STK24: variants seen among roughly 807,000 people sequenced by gnomAD.
The protein encoded by STK24 is serine/threonine-protein kinase 24.
Under a neutral mutation model 55.6 loss-of-function variants are expected in STK24, and 21 were observed. That is an observed-to-expected ratio of 0.38 (90% CI 0.27 to 0.54). The LOEUF (loss-of-function observed/expected upper bound fraction) is 0.54. Among genes scored for constraint, STK24 ranks in the 20% least tolerant of loss-of-function variants. The pLI, the probability that STK24 is intolerant of heterozygous loss-of-function variation, is 0.79. For missense variants in STK24, 383 were observed against 538.4 expected (o/e 0.71, Z 2.86); for synonymous variants, 200 against 215.2 (o/e 0.93, Z 0.62).
Position 98,446,711 on chromosome 13 carries a change from A to C in STK24, c.*6462T>G. The C allele has an allele frequency of 1.9e-6, 3 of 1,614,122 alleles. No homozygotes were observed. The highest frequency in any genetic ancestry group is 2.2e-5 in the East Asian group (1 of 44,858). ...CCTGCCTCTGCTCGGCTACTCGCTCACCATCCCCTCTGAGTCCGAGAACAT... is the reference window on the plus strand; with the variant it reads ...CCTGCCTCTGCTCGGCTACTCGCTCCCCATCCCCTCTGAGTCCGAGAACAT... On this transcript the variant is annotated 3_prime_UTR_variant, in exon 11 of 11. Coordinates refer to ENST00000539966, the MANE Select transcript of STK24 (RefSeq NM_001032296.4).
intron 1 of STK24, among the ~76,000 whole-genome samples, chr13:98,549,736 TCTTTC>T (rs1897115740): frequency 6.6e-6 from 1 of 152,156 alleles, no homozygotes; most frequent in South Asian, 2.1e-4. Flanking sequence ...CAACTAAACC[TCTTTC>T]CTTTATAAAT....
intron 1 of STK24, chr13:98,542,840 T>C: frequency 1.4e-5 from 14 of 981,876 alleles, no homozygotes; most frequent in Non-Finnish European, 1.7e-5. Flanking sequence ...TACCAACGCT[T>C]ACCCTGTATG....
At chr13:98,560,154 T>C (rs977296117) in intron 1 of STK24, among the ~76,000 whole-genome samples, 7 of 152,184 alleles carry the variant, frequency 4.6e-5, no homozygotes, top group Admixed American at 1.3e-4. Flanking sequence ...GTGCAGCTAC[T>C]CACAGTCTCA....
At chr13:98,561,024 G>C (rs1356947827) in intron 1 of STK24, among the ~76,000 whole-genome samples, 1 of 152,186 alleles carries the variant, frequency 6.6e-6, no homozygotes, top group African/African-American at 2.4e-5. Flanking sequence ...TGGTTCTGCT[G>C]TCTTGAGTGA....
chr13:98,553,771 G>T, intron 1 of STK24: 1 of 152,386 alleles, frequency 6.6e-6, no homozygotes, highest in Non-Finnish European at 1.5e-5. Flanking sequence ...AGAAAAAGGA[G>T]GAACAGGAGG....
chr13:98,576,678 G>C, intron 1 of STK24, 67 bp downstream of exon 1: 1 of 1,359,392 alleles, frequency 7.4e-7, no homozygotes, highest in Non-Finnish European at 9.8e-7. Context: ...GACGCCGTGT[G>C]GATACCGCCA....
intron 2 of STK24, among the ~76,000 whole-genome samples, chr13:98,487,766 G>A (rs1372776329): frequency 2.0e-5 from 3 of 151,936 alleles, no homozygotes; most frequent in Non-Finnish European, 4.4e-5. Flanking sequence ...TCGCTCTGAC[G>A]GCCCAGGTGT....
chr13:98,520,282 A>G (rs1896213563), intron 1 of STK24, among the ~76,000 whole-genome samples: 1 of 152,212 alleles, frequency 6.6e-6, no homozygotes. Flanking sequence ...AAGGCAAGAC[A>G]GGGACGCTGC....
chr13:98,508,072 G>A (rs1895756640), intron 2 of STK24, among the ~76,000 whole-genome samples: 1 of 152,156 alleles, frequency 6.6e-6, no homozygotes, highest in Non-Finnish European at 1.5e-5. Flanking sequence ...AGCCTGCAAT[G>A]ACGGTCCCAG....
At chr13:98,515,786 G>A (rs1198979838) in intron 2 of STK24, among the ~76,000 whole-genome samples, 2 of 152,080 alleles carry the variant, frequency 1.3e-5, no homozygotes, top group Non-Finnish European at 2.9e-5. Context: ...CAACAATGAA[G>A]AAACCCATTT....
intron 2 of STK24, among the ~76,000 whole-genome samples, chr13:98,494,948 C>A (rs1238571663): frequency 6.6e-6 from 1 of 152,202 alleles, no homozygotes; most frequent in Non-Finnish European, 1.5e-5. Flanking sequence ...ACAGAAGGAA[C>A]CACCACCAAC....
rs1165562856 is a variant in STK24 at position 98,460,513 on chromosome 13, C to T, written c.1054-73G>A. 3 of 1,272,366 alleles carry T rather than the reference C, an allele frequency of 2.4e-6. No individual in the cohort carries two copies. In the African/African-American group the frequency reaches 4.4e-5, roughly 19 times the overall value. The allele number at this position is 1,272,366 out of a possible 1,614,324, so 78.8% of individuals were successfully genotyped here. On this transcript the variant is annotated intron_variant, in intron 8 of 10. Coordinates refer to ENST00000539966, the MANE Select transcript of STK24 (RefSeq NM_001032296.4). The stretch of plus-strand genomic sequence containing the variant: ...ATTGGCAATAATTTAATAAACCTCC[C>T]ACCTGGACTATGGAAGCGCAGGAGT...
At chr13:98,512,212 G>T (rs1895905395) in intron 2 of STK24, among the ~76,000 whole-genome samples, 1 of 152,080 alleles carries the variant, frequency 6.6e-6, no homozygotes, top group African/African-American at 2.4e-5. Flanking sequence ...TTTTAAAAAT[G>T]TTATGGGGAA....
rs772047845 is a variant in STK24 at position 98,474,836 on chromosome 13, C to T, written c.582G>A (p.Ser194=). The T allele has an allele frequency of 5.0e-6, 8 of 1,612,224 alleles. No homozygotes were observed. Among genetic ancestry groups the T allele is most frequent in the East Asian group, 2.2e-5 (1 of 44,850 alleles). Residue 194 remains serine (S), a synonymous_variant, in exon 5 of 11, where the codon TCG becomes TCA. Transcript: ENST00000539966. The part of the protein sequence containing the change: ...FWMAPEVIKQ[S]AYDSKADIWS... ...CTCCCCTCACCTTCGAGTCATAGGC[C>T]GACTGTTTGATGACCTCGGGTGCCA...
intron 3 of STK24, among the ~76,000 whole-genome samples, chr13:98,477,569 G>A (rs940560438): frequency 1.3e-5 from 2 of 151,952 alleles, no homozygotes; most frequent in Admixed American, 1.3e-4. Context: ...CAGCTACTTG[G>A]GAGGCTGAGG....
intron 2 of STK24, among the ~76,000 whole-genome samples, chr13:98,493,903 T>C (rs1895140834): frequency 6.7e-6 from 1 of 149,112 alleles, no homozygotes. Context: ...AGTGCAGTGG[T>C]GCGATCTTGG....
intron 1 of STK24, among the ~76,000 whole-genome samples, chr13:98,568,670 C>T (rs1897651717): frequency 6.6e-6 from 1 of 152,000 alleles, no homozygotes; most frequent in African/African-American, 2.4e-5. Flanking sequence ...AGTTCGAGAC[C>T]TGCCTGCTCC....
intron 1 of STK24, among the ~76,000 whole-genome samples, chr13:98,540,598 C>T (rs1328498613): frequency 6.6e-6 from 1 of 152,042 alleles, no homozygotes; most frequent in Non-Finnish European, 1.5e-5. Flanking sequence ...CTAAACTTCA[C>T]ATTCCTGTCT....
Position 98,449,299 on chromosome 13 carries a change from T to C in STK24, c.*3874A>G, listed in dbSNP as rs1314905360. The C allele has an allele frequency of 1.3e-5, 2 of 152,206 alleles. No homozygotes were observed. The highest frequency in any genetic ancestry group is 2.9e-5 in the Non-Finnish European group (2 of 68,052). 9.4% of individuals were successfully genotyped at this position (152,206 alleles called of 1,614,324 possible). ...TTTGAAACTGCGCATTCTCTAGTAGTATATATCGTGCCTGTCTTCAAAAAC... is the reference window on the plus strand; with the variant it reads ...TTTGAAACTGCGCATTCTCTAGTAGCATATATCGTGCCTGTCTTCAAAAAC... On this transcript the variant is annotated 3_prime_UTR_variant, in exon 11 of 11. Transcript: ENST00000539966.
Sources: gnomAD v4.1 joint callset for allele counts (sites outside exome capture counted in the v4.1 genomes callset) on GRCh38, gnomAD v4.1.1 for gene constraint, MANE v1.5 for transcripts, NCBI Gene and HGNC (gene_info 2026-07-23, HGNC 2026-07-21) for gene names.